UBTD2: variants seen among roughly 807,000 people sequenced by gnomAD.
UBTD2 encodes the protein ubiquitin domain-containing protein 2.
UBTD2 carries 9 observed loss-of-function variants against 19.8 expected under a neutral mutation model. The ratio of observed to expected loss-of-function variants is 0.46; its 90% CI spans 0.27 to 0.79. UBTD2 has a LOEUF of 0.79. Among genes scored for constraint, UBTD2 ranks in the 30% least tolerant of loss-of-function variants. UBTD2 has a pLI of 0.14. For synonymous variants in UBTD2, 98 were observed against 103.9 expected (o/e 0.94, Z 0.35); for missense variants, 250 against 300.4 (o/e 0.83, Z 1.24).
rs750893693 is a variant in UBTD2 at position 172,211,890 on chromosome 5, G to C, written c.645C>G (p.Asp215Glu). Residue 215 changes from aspartate to glutamate, a missense_variant, in exon 3 of 3, where the codon GAC becomes GAG. Asp to Glu is a conservative substitution (Grantham distance 45). Coordinates refer to ENST00000393792, the MANE Select transcript of UBTD2 (RefSeq NM_152277.3). The stretch of plus-strand genomic sequence containing the variant: ...GGCTCACTATAACCTGTACAACATA[G>C]TCCTTTGGGATCTTCAGCTCTTCGA... ...MKFEELKIPK[D>E]YVVQVIVSQP... The C allele has an allele frequency of 1.2e-5, 20 of 1,614,202 alleles. No individual in the cohort carries two copies. The highest frequency in any genetic ancestry group is 1.6e-5 in the Non-Finnish European group (19 of 1,180,044).
At chr5:172,269,855 T>C (rs1401712613) in intron 1 of UBTD2, among the ~76,000 whole-genome samples, 3 of 151,098 alleles carry the variant, frequency 2.0e-5, no homozygotes, top group African/African-American at 7.3e-5. Flanking sequence ...AGGCAGGCAG[T>C]TCATGAGGTC....
chr5:172,217,674 G>C (rs1771573241), intron 2 of UBTD2, among the ~76,000 whole-genome samples: 1 of 151,888 alleles, frequency 6.6e-6, no homozygotes, highest in African/African-American at 2.4e-5. Flanking sequence ...TTTGGTAGAG[G>C]CAGGGTTTTG....
In UBTD2 at chr5:172,257,165, A is replaced by G. The variant is rs537492646; in HGVS notation, c.71-22807T>C. Among the ~76,000 whole-genome samples, 10 of 152,296 alleles carry G rather than the reference A, an allele frequency of 6.6e-5. 1 individual carries two copies. In the South Asian group the frequency reaches 1.4e-3, roughly 22 times the overall value. Reference sequence around the variant, plus strand: ...CATCCTCTGCCCTCAAGGAGGTCCCAGTGACTACTGTTTCCTTGCGTTTAC... The same window carrying G: ...CATCCTCTGCCCTCAAGGAGGTCCCGGTGACTACTGTTTCCTTGCGTTTAC... On this transcript the variant is annotated intron_variant, in intron 1 of 2. Coordinates refer to ENST00000393792, the MANE Select transcript of UBTD2 (RefSeq NM_152277.3).
intron 1 of UBTD2, among the ~76,000 whole-genome samples, chr5:172,272,332 G>A (rs1364707034): frequency 6.6e-6 from 1 of 152,154 alleles, no homozygotes; most frequent in East Asian, 1.9e-4. Flanking sequence ...TAAAGTCTCA[G>A]CCTATGGTCC....
intron 2 of UBTD2, among the ~76,000 whole-genome samples, chr5:172,221,917 T>C (rs1256242858): frequency 6.6e-6 from 1 of 152,158 alleles, no homozygotes; most frequent in Non-Finnish European, 1.5e-5. Context: ...TAATGGTGAA[T>C]GTTGATACTG....
intron 1 of UBTD2, among the ~76,000 whole-genome samples, chr5:172,250,933 CAAAAAAA>C (rs56280728): frequency 4.6e-5 from 2 of 43,948 alleles, no homozygotes; most frequent in South Asian, 1.2e-3. Flanking sequence ...GACCCTGTCT[CAAAAAAA>C]AAAAAAAAAA....
At chr5:172,235,908 G>A (rs1047763501) in intron 1 of UBTD2, among the ~76,000 whole-genome samples, 2 of 152,192 alleles carry the variant, frequency 1.3e-5, no homozygotes, top group African/African-American at 4.8e-5. Flanking sequence ...GGGAAGGAGA[G>A]AGGGTGTGTG....
intron 1 of UBTD2, among the ~76,000 whole-genome samples, chr5:172,243,002 CT>C (rs1772161752): frequency 6.6e-6 from 1 of 151,906 alleles, no homozygotes; most frequent in African/African-American, 2.4e-5. Flanking sequence ...CTTCAAATTG[CT>C]TTTTTGTAGA....
intron 2 of UBTD2, among the ~76,000 whole-genome samples, chr5:172,233,889 T>G (rs1732553224): frequency 6.6e-6 from 1 of 152,002 alleles, no homozygotes; most frequent in African/African-American, 2.4e-5. Flanking sequence ...AAGAGTTCTT[T>G]TCTGAAATTA....
At chr5:172,235,065 G>T (rs1771980974) in intron 1 of UBTD2, among the ~76,000 whole-genome samples, 1 of 150,304 alleles carries the variant, frequency 6.7e-6, no homozygotes, top group South Asian at 2.1e-4. Context: ...ATTCTGTTAT[G>T]AATCTAAAAC....
chr5:172,263,000 T>C (rs1199981601), intron 1 of UBTD2, among the ~76,000 whole-genome samples: 1 of 151,990 alleles, frequency 6.6e-6, no homozygotes, highest in Non-Finnish European at 1.5e-5. Flanking sequence ...TGCAGTGGTA[T>C]GATCTTGGTG....
intron 2 of UBTD2, among the ~76,000 whole-genome samples, chr5:172,218,531 C>T (rs56146425): frequency 0.051 from 7,788 of 151,774 alleles, 626 homozygotes; most frequent in African/African-American, 0.17. Flanking sequence ...GCCTGTAATC[C>T]CAGCACTTTG....
intron 1 of UBTD2, among the ~76,000 whole-genome samples, chr5:172,238,548 T>C (rs1772056924): frequency 1.3e-5 from 2 of 152,218 alleles, no homozygotes; most frequent in African/African-American, 4.8e-5. Context: ...CTCTTTATCT[T>C]TCCTTGTAAT....
chr5:172,220,467 C>T (rs1219238269), intron 2 of UBTD2, among the ~76,000 whole-genome samples: 1 of 152,178 alleles, frequency 6.6e-6, no homozygotes, highest in East Asian at 1.9e-4. Context: ...GAAACTCCAT[C>T]TCTACTAAAA....
At chr5:172,245,581 G>T (rs746044457) in intron 1 of UBTD2, among the ~76,000 whole-genome samples, 1 of 152,062 alleles carries the variant, frequency 6.6e-6, no homozygotes, top group Non-Finnish European at 1.5e-5. Context: ...ACGTGGTGGC[G>T]CATGCCTGTA....
chr5:172,212,628 T>C (rs1771472948), intron 2 of UBTD2, among the ~76,000 whole-genome samples: 1 of 152,190 alleles, frequency 6.6e-6, no homozygotes, highest in African/African-American at 2.4e-5. Context: ...ATTTCTAAGC[T>C]CAATTCACCA....
intron 1 of UBTD2, among the ~76,000 whole-genome samples, chr5:172,235,500 G>A (rs961006836): frequency 1.3e-5 from 2 of 152,154 alleles, no homozygotes; most frequent in African/African-American, 4.8e-5. Flanking sequence ...GAGTAAAAGA[G>A]ATAATCTTTG....
At chr5:172,233,623 C>G (rs1011341471) in intron 2 of UBTD2, among the ~76,000 whole-genome samples, 2 of 152,128 alleles carry the variant, frequency 1.3e-5, no homozygotes, top group African/African-American at 4.8e-5. Flanking sequence ...GGACTCTCTT[C>G]TAAGTTTGGG....
chr5:172,276,391 G>A (rs1755603485), intron 1 of UBTD2, among the ~76,000 whole-genome samples: 1 of 152,112 alleles, frequency 6.6e-6, no homozygotes, highest in Non-Finnish European at 1.5e-5. Flanking sequence ...CACACACACT[G>A]CTCAAGCCAA....
Sources: gnomAD v4.1 joint callset for allele counts (sites outside exome capture counted in the v4.1 genomes callset) on GRCh38, gnomAD v4.1.1 for gene constraint, MANE v1.5 for transcripts, NCBI Gene and HGNC (gene_info 2026-07-23, HGNC 2026-07-21) for gene names.